Variants in SLC4A4 observed in about 807,000 individuals in gnomAD.
The protein encoded by SLC4A4 is electrogenic sodium bicarbonate cotransporter 1.
A neutral mutation model predicts 111.5 loss-of-function variants in SLC4A4; 27 were observed. The observed-to-expected ratio is 0.24, with a 90% confidence interval of 0.18 to 0.33. The LOEUF is 0.33. Among genes scored for constraint, SLC4A4 ranks in the 10% least tolerant of loss-of-function variants. SLC4A4 has a pLI of 1.00. For synonymous variants in SLC4A4, 443 were observed against 463.4 expected (o/e 0.96, Z 0.57); for missense variants, 909 against 1,315.5 (o/e 0.69, Z 4.78).
chr4:71,242,574 T>C (rs1397530579), intron 2 of SLC4A4, among the ~76,000 whole-genome samples: 1 of 152,168 alleles, frequency 6.6e-6, no homozygotes, highest in Non-Finnish European at 1.5e-5. Context: ...CAATTGCTGC[T>C]GTACCTGGCA....
chr4:71,176,358 G>C (rs952422689), intron 2 of SLC4A4, among the ~76,000 whole-genome samples: 1 of 152,146 alleles, frequency 6.6e-6, no homozygotes, highest in African/African-American at 2.4e-5. Context: ...AGAGAAGAAG[G>C]CTTCAGGTGA....
At chr4:71,264,169 T>G (rs947185440) in intron 3 of SLC4A4, among the ~76,000 whole-genome samples, 1 of 152,150 alleles carries the variant, frequency 6.6e-6, no homozygotes, top group African/African-American at 2.4e-5. Context: ...TAAGATGACT[T>G]TAGCACCCTT....
intron 14 of SLC4A4, among the ~76,000 whole-genome samples, chr4:71,476,283 A>T (rs1298638302): frequency 1.3e-5 from 2 of 151,832 alleles, no homozygotes; most frequent in African/African-American, 4.8e-5. Flanking sequence ...TTGATATCAA[A>T]CTGAAAGATG....
At chr4:71,109,099 A>G (rs1043920307) in intron 2 of SLC4A4, among the ~76,000 whole-genome samples, 1 of 151,986 alleles carries the variant, frequency 6.6e-6, no homozygotes, top group Non-Finnish European at 1.5e-5. Flanking sequence ...TAATAATGTG[A>G]TGTCTCTGAA....
chr4:71,225,940 A>G (rs944314610), intron 1 of SLC4A4, among the ~76,000 whole-genome samples: 17 of 152,366 alleles, frequency 1.1e-4, no homozygotes, highest in African/African-American at 3.4e-4. Context: ...GACTGTGTAT[A>G]AACATAAAAC....
intron 18 of SLC4A4, among the ~76,000 whole-genome samples, chr4:71,545,274 A>G (rs1323498039): frequency 6.6e-6 from 1 of 152,004 alleles, no homozygotes; most frequent in Non-Finnish European, 1.5e-5. Flanking sequence ...AAATCTTGGC[A>G]TTTCAGTGAG....
chr4:71,104,522 A>G (rs1742852232), intron 2 of SLC4A4, among the ~76,000 whole-genome samples: 2 of 72,312 alleles, frequency 2.8e-5, no homozygotes, highest in South Asian at 1.1e-3. Context: ...AAAAATCCTC[A>G]ATAAAATACT....
intron 2 of SLC4A4, among the ~76,000 whole-genome samples, chr4:71,141,143 C>T (rs966872414): frequency 1.3e-5 from 2 of 152,042 alleles, no homozygotes; most frequent in Non-Finnish European, 2.9e-5. Context: ...GATTTTGTAC[C>T]CTTTGATTCT....
rs553403475 is a variant in SLC4A4, at chr4:71,568,303, A to C, written c.*552A>C. 82 of 165,970 alleles carry C rather than the reference A, an allele frequency of 4.9e-4. No individual in the cohort carries two copies. Among genetic ancestry groups the C allele is most frequent in the Non-Finnish European group, 6.7e-4 (52 of 77,602 alleles). 10.3% of individuals were successfully genotyped at this position (165,970 alleles called of 1,614,324 possible). ...CTGGCTTGTCTTTGTCTGGTAGAAC[A>C]AACCTTGACCTCCAGACAGAGTCCC... On this transcript the variant is annotated 3_prime_UTR_variant, in exon 26 of 26. Transcript: ENST00000264485.
At chr4:71,457,639 C>T (rs1461107836) in intron 12 of SLC4A4, among the ~76,000 whole-genome samples, 2 of 152,086 alleles carry the variant, frequency 1.3e-5, no homozygotes, top group African/African-American at 2.4e-5. Context: ...CACATTAATA[C>T]TCTGGTCTCC....
chr4:71,250,382 G>A (rs1720978765), intron 2 of SLC4A4, among the ~76,000 whole-genome samples: 2 of 152,152 alleles, frequency 1.3e-5, no homozygotes, highest in African/African-American at 4.8e-5. Flanking sequence ...AAGAGTAAGA[G>A]TGTGGCTATA....
intron 3 of SLC4A4, among the ~76,000 whole-genome samples, chr4:71,328,071 G>A (rs1727642710): frequency 6.6e-6 from 1 of 151,954 alleles, no homozygotes; most frequent in Admixed American, 6.6e-5. Flanking sequence ...CCACAAATAA[G>A]TGAGGACGTG....
intron 18 of SLC4A4, among the ~76,000 whole-genome samples, chr4:71,539,519 A>T (rs1016325186): frequency 5.9e-5 from 9 of 151,996 alleles, no homozygotes; most frequent in African/African-American, 1.9e-4. Context: ...TCTGCTAGGT[A>T]CTCCAGCCAG....
intron 2 of SLC4A4, among the ~76,000 whole-genome samples, chr4:71,096,801 AC>A (rs1419532673): frequency 9.2e-5 from 14 of 152,330 alleles, no homozygotes; most frequent in African/African-American, 3.4e-4. Flanking sequence ...AAATGAGTCC[AC>A]TGGATTTAGG....
intron 7 of SLC4A4, among the ~76,000 whole-genome samples, chr4:71,409,585 A>T (rs978124781): frequency 6.6e-6 from 1 of 152,230 alleles, no homozygotes; most frequent in Non-Finnish European, 1.5e-5. Context: ...TGTTAAAAGC[A>T]TTCTGTTTTA....
intron 7 of SLC4A4, among the ~76,000 whole-genome samples, chr4:71,405,971 T>C (rs1720807484): frequency 8.5e-6 from 1 of 117,058 alleles, no homozygotes; most frequent in Admixed American, 1.0e-4. Flanking sequence ...ACTGAAGATG[T>C]TGCTGTTCCC....
intron 2 of SLC4A4, among the ~76,000 whole-genome samples, chr4:71,169,647 G>T (rs1265116506): frequency 6.6e-6 from 1 of 152,100 alleles, no homozygotes; most frequent in East Asian, 1.9e-4. Flanking sequence ...CTTCCATTCT[G>T]TGGGTTGTCT....
At chr4:71,202,560 A>T (rs1282605604) in intron 1 of SLC4A4, among the ~76,000 whole-genome samples, 1 of 152,152 alleles carries the variant, frequency 6.6e-6, no homozygotes, top group Admixed American at 6.6e-5. Flanking sequence ...TTGTACCAGT[A>T]ATCCATTATT....
intron 2 of SLC4A4, among the ~76,000 whole-genome samples, chr4:71,147,449 C>T (rs544729288): frequency 6.6e-6 from 1 of 152,202 alleles, no homozygotes; most frequent in East Asian, 1.9e-4. Flanking sequence ...ATTCCAAAAT[C>T]AACTGTGGGG....
Sources: allele counts gnomAD v4.1 joint callset (sites outside exome capture counted in the v4.1 genomes callset), GRCh38; gene constraint gnomAD v4.1.1; transcripts MANE v1.5; gene names NCBI Gene and HGNC (gene_info 2026-07-23, HGNC 2026-07-21).